ADAMTSL1: variants seen among roughly 807,000 people sequenced by gnomAD.
ADAMTSL1 encodes the protein ADAMTS like 1, also known as ADAMTS-like protein 1.
A neutral mutation model predicts 201.8 loss-of-function variants in ADAMTSL1; 126 were observed. The ratio of observed to expected loss-of-function variants is 0.62; its 90% CI spans 0.54 to 0.72. The LOEUF is 0.72. ADAMTSL1 is among the 30% of genes least tolerant of loss of function. The pLI is 0.00. For missense variants in ADAMTSL1, 2,679 were observed against 2,277.8 expected (o/e 1.18, Z -3.59); for synonymous variants, 1,121 against 903.4 (o/e 1.24, Z -4.32).
intron 2 of ADAMTSL1, among the ~76,000 whole-genome samples, chr9:18,280,966 C>A (rs1832765546): frequency 6.7e-6 from 1 of 149,744 alleles, no homozygotes; most frequent in Non-Finnish European, 1.5e-5. Context: ...GCCTTGAACT[C>A]CTAGATTCAA....
chr9:18,364,938 C>G (rs1318529400), intron 2 of ADAMTSL1, among the ~76,000 whole-genome samples: 2 of 152,078 alleles, frequency 1.3e-5, no homozygotes, highest in African/African-American at 4.8e-5. Flanking sequence ...GAACTCCGCC[C>G]CCATGATCCA....
chr9:18,033,150 CA>C (rs1022797065), intron 1 of ADAMTSL1, among the ~76,000 whole-genome samples: 3 of 152,150 alleles, frequency 2.0e-5, no homozygotes, highest in African/African-American at 7.2e-5. Context: ...TAGGTCTCTT[CA>C]TTCTTCATTT....
At chr9:17,964,340 C>T (rs111339491) in intron 1 of ADAMTSL1, among the ~76,000 whole-genome samples, 18 of 152,214 alleles carry the variant, frequency 1.2e-4, no homozygotes, top group African/African-American at 3.9e-4. Flanking sequence ...TATATATTCT[C>T]CAACCCCTAC....
chr9:18,708,991 T>C (rs570407835), intron 14 of ADAMTSL1, among the ~76,000 whole-genome samples: 1 of 152,336 alleles, frequency 6.6e-6, no homozygotes, highest in East Asian at 1.9e-4. Flanking sequence ...TGAGATACAA[T>C]TGATCTCTAC....
chr9:18,695,882 A>T (rs996963153), intron 13 of ADAMTSL1, among the ~76,000 whole-genome samples: 1 of 152,262 alleles, frequency 6.6e-6, no homozygotes, highest in Non-Finnish European at 1.5e-5. Flanking sequence ...TTCTTTAAAA[A>T]GAGGTTTAAT....
At position 18,300,129 on chromosome 9, in the gene ADAMTSL1, A is replaced by G. The variant is rs7851966; in HGVS notation, c.207+136148A>G. Among the ~76,000 whole-genome samples the G allele has an allele frequency of 4.9e-3, 746 of 152,324 alleles. 7 individuals carry two copies. Among genetic ancestry groups the G allele is most frequent in the African/African-American group, 0.017 (692 of 41,558 alleles). On this transcript the variant is annotated intron_variant, in intron 2 of 29. Coordinates refer to the ADAMTSL1 transcript ENST00000680146. ...TTACTGGGTATATACCCAAAGGATT[A>G]TAAATCATGCTGCTATAAAGACACA...
chr9:18,564,423 G>A (rs1274966312), intron 3 of ADAMTSL1, among the ~76,000 whole-genome samples: 1 of 152,158 alleles, frequency 6.6e-6, no homozygotes, highest in South Asian at 2.1e-4. Flanking sequence ...TGTTGATCTC[G>A]CTGGGAGCTG....
intron 2 of ADAMTSL1, among the ~76,000 whole-genome samples, chr9:18,189,838 C>CT (rs1220524819): frequency 6.6e-6 from 1 of 152,168 alleles, no homozygotes. Context: ...TTTAAACTCT[C>CT]TGAGAACTAC....
At chr9:18,712,364 G>C (rs1190963027) in intron 14 of ADAMTSL1, among the ~76,000 whole-genome samples, 7 of 151,988 alleles carry the variant, frequency 4.6e-5, no homozygotes, top group African/African-American at 7.3e-5. Flanking sequence ...AGATTTAGAA[G>C]AATGTATAAC....
At chr9:18,022,300 G>A (rs1211726058) in intron 1 of ADAMTSL1, among the ~76,000 whole-genome samples, 1 of 152,126 alleles carries the variant, frequency 6.6e-6, no homozygotes, top group African/African-American at 2.4e-5. Context: ...TGCTCTGGGA[G>A]GCTGCAGCAC....
At chr9:17,989,496 A>G (rs1426925251) in intron 1 of ADAMTSL1, among the ~76,000 whole-genome samples, 1 of 152,032 alleles carries the variant, frequency 6.6e-6, no homozygotes, top group Non-Finnish European at 1.5e-5. Context: ...AAGTCACTGC[A>G]CTTTCCTTTT....
chr9:17,979,003 G>A (rs1419411992), intron 1 of ADAMTSL1, among the ~76,000 whole-genome samples: 1 of 150,150 alleles, frequency 6.7e-6, no homozygotes, highest in Non-Finnish European at 1.5e-5. Flanking sequence ...TCACTGCACT[G>A]TCTCCTGGCC....
intron 2 of ADAMTSL1, among the ~76,000 whole-genome samples, chr9:18,446,147 G>C (rs985318535): frequency 6.6e-6 from 1 of 152,032 alleles, no homozygotes; most frequent in African/African-American, 2.4e-5. Context: ...GAAAGGTAGA[G>C]GTATAAATGT....
chr9:18,790,674 G>T (rs372293160), intron 19 of ADAMTSL1, among the ~76,000 whole-genome samples: 71 of 152,112 alleles, frequency 4.7e-4, no homozygotes, highest in African/African-American at 1.5e-3. Flanking sequence ...GCACCCTCTC[G>T]GCTGGTCCTT....
intron 1 of ADAMTSL1, among the ~76,000 whole-genome samples, chr9:18,153,582 C>A (rs976736079): frequency 6.6e-6 from 1 of 151,932 alleles, no homozygotes; most frequent in African/African-American, 2.4e-5. Flanking sequence ...TGGTTCAATG[C>A]AGGGAAGAAT....
chr9:18,493,304 G>A (rs1467331860), intron 1 of ADAMTSL1, among the ~76,000 whole-genome samples: 1 of 152,166 alleles, frequency 6.6e-6, no homozygotes, highest in Non-Finnish European at 1.5e-5. Context: ...GGTTATCTAT[G>A]TATTGTACTA....
rs540470643 is a variant in ADAMTSL1, at chr9:18,881,159, G to C, written c.4250-6672G>C. Among the ~76,000 whole-genome samples, 134 of 152,328 alleles carry C rather than the reference G, an allele frequency of 8.8e-4. 1 individual carries two copies. The highest frequency in any genetic ancestry group is 3.4e-3 in the Middle Eastern group (1 of 294). On this transcript the variant is annotated intron_variant, in intron 23 of 28. Coordinates refer to ENST00000380548, the MANE Select transcript of ADAMTSL1 (RefSeq NM_001040272.6). ...CTAAAACTTTCTTCGTATCAGCAAT[G>C]AGACTATTTTACTTCTTATCAATTT... is the stretch of plus-strand genomic sequence containing the variant.
At chr9:18,775,596 T>C (rs1030828401) in intron 17 of ADAMTSL1, 147 bp from the exon 18 acceptor site, 2 of 1,090,990 alleles carry the variant, frequency 1.8e-6, no homozygotes, top group African/African-American at 3.2e-5. Flanking sequence ...GTCTTCCACA[T>C]TGTGACCTCA....
chr9:18,327,556 A>G (rs1834875923), intron 2 of ADAMTSL1, among the ~76,000 whole-genome samples: 1 of 152,218 alleles, frequency 6.6e-6, no homozygotes, highest in African/African-American at 2.4e-5. Flanking sequence ...TGTAGATACT[A>G]TAATAGCAAC....
Sources: allele counts gnomAD v4.1 joint callset (sites outside exome capture counted in the v4.1 genomes callset), GRCh38; gene constraint gnomAD v4.1.1; transcripts MANE v1.5; gene names NCBI Gene and HGNC (gene_info 2026-07-23, HGNC 2026-07-21).